Variants in HIF1A observed in about 807,000 individuals in gnomAD.
HIF1A encodes the protein hypoxia inducible factor 1 subunit alpha, also known as hypoxia-inducible factor 1-alpha.
In HIF1A, 24 loss-of-function variants were observed where a neutral mutation model predicts 92.7. That is an observed-to-expected ratio of 0.26 (90% CI 0.19 to 0.36). HIF1A has a LOEUF of 0.36. Among genes scored for constraint, HIF1A ranks in the 10% least tolerant of loss-of-function variants. HIF1A has a pLI of 1.00. For synonymous variants in HIF1A, 319 were observed against 338.7 expected (o/e 0.94, Z 0.64); for missense variants, 799 against 998.5 (o/e 0.80, Z 2.69).
intron 1 of HIF1A, among the ~76,000 whole-genome samples, chr14:61,696,243 C>A (rs887373097): frequency 1.3e-5 from 2 of 152,276 alleles, no homozygotes; most frequent in African/African-American, 4.8e-5. Context: ...GCGGTTTGCA[C>A]CCGGAGCTTC....
At chr14:61,731,050 A>G (rs1322916639) in intron 6 of HIF1A, among the ~76,000 whole-genome samples, 2 of 152,114 alleles carry the variant, frequency 1.3e-5, no homozygotes, top group Admixed American at 1.3e-4. Context: ...TTTCCTTTGT[A>G]TATTTATTTT....
chr14:61,715,075 T>C (rs1428972176), intron 1 of HIF1A, among the ~76,000 whole-genome samples: 1 of 152,028 alleles, frequency 6.6e-6, no homozygotes, highest in East Asian at 1.9e-4. Context: ...TAGACAAATG[T>C]TGAGCAAGTA....
chr14:61,702,478 C>A (rs2044189429), intron 1 of HIF1A, among the ~76,000 whole-genome samples: 1 of 108,402 alleles, frequency 9.2e-6, no homozygotes, highest in African/African-American at 2.5e-5. Context: ...TGTTTTAATT[C>A]TTTAGTTCCC....
chr14:61,729,846 C>A (rs2044554331), intron 6 of HIF1A, among the ~76,000 whole-genome samples: 1 of 152,080 alleles, frequency 6.6e-6, no homozygotes, highest in Non-Finnish European at 1.5e-5. Context: ...GCTCATATAT[C>A]AACCAAGACA....
chr14:61,731,252 T>C (rs1351537289), intron 6 of HIF1A, among the ~76,000 whole-genome samples: 2 of 152,120 alleles, frequency 1.3e-5, no homozygotes, highest in African/African-American at 4.8e-5. Context: ...GCTGAGAATC[T>C]AAAAGCTTAA....
At position 61,695,774 on chromosome 14, in the gene HIF1A, G is replaced by T. The variant is rs1454985536; in HGVS notation, c.-31G>T. 6.3e-7 allele frequency: 1 copy of T among 1,586,646 alleles called. No homozygotes were observed. Among genetic ancestry groups the T allele is most frequent in the Non-Finnish European group, 8.6e-7 (1 of 1,168,376 alleles). On this transcript the variant is annotated 5_prime_UTR_variant, in exon 1 of 15. Coordinates refer to ENST00000337138, the MANE Select transcript of HIF1A (RefSeq NM_001530.4). ...GCCGGAGCGAGCCTGGGGGCCGCCCGCCGTGAAGACATCGCGGGGACCGAT... is the reference window on the plus strand; with the variant it reads ...GCCGGAGCGAGCCTGGGGGCCGCCCTCCGTGAAGACATCGCGGGGACCGAT...
chr14:61,738,277 A>T lies in HIF1A; in HGVS notation c.1440A>T (p.Pro480=). 1 of 1,614,134 alleles carries T rather than the reference A, an allele frequency of 6.2e-7. No individual in the cohort carries two copies. Among genetic ancestry groups the T allele is most frequent in the Non-Finnish European group, 8.5e-7 (1 of 1,180,008 alleles). ...LNQEVALKLE[P]NPESLELSFT... is the part of the protein sequence containing the mutation. ...AAGAAGTTGCATTAAAATTAGAACC[A>T]AATCCAGAGTCACTGGAACTTTCTT... is the stretch of plus-strand genomic sequence containing the variant. The change falls in exon 10 of 15, where the codon CCA becomes CCT. Residue 480 remains proline, a synonymous_variant. Coordinates refer to ENST00000337138, the MANE Select transcript of HIF1A (RefSeq NM_001530.4).
intron 1 of HIF1A, among the ~76,000 whole-genome samples, chr14:61,710,740 TA>T (rs2044296263): frequency 1.3e-5 from 2 of 151,906 alleles, no homozygotes; most frequent in Admixed American, 6.6e-5. Flanking sequence ...ACATATAAAA[TA>T]CTTGTCTAAA....
At chr14:61,732,160 A>C (rs889452999) in intron 6 of HIF1A, among the ~76,000 whole-genome samples, 18 of 152,194 alleles carry the variant, frequency 1.2e-4, no homozygotes, top group African/African-American at 4.3e-4. Flanking sequence ...AGACCAGGTA[A>C]CAAGTTTGGG....
intron 1 of HIF1A, chr14:61,715,515 C>G (rs116340210): frequency 1.3e-5 from 2 of 152,120 alleles, no homozygotes; most frequent in Non-Finnish European, 2.9e-5. Flanking sequence ...GTGTTAATCG[C>G]GTGGACACCA....
intron 1 of HIF1A, among the ~76,000 whole-genome samples, chr14:61,702,786 CCTG>C (rs2044192625): frequency 6.6e-6 from 1 of 152,060 alleles, no homozygotes; most frequent in Admixed American, 6.5e-5. Context: ...ATAAAAATCA[CCTG>C]CTTTTTCACT....
At position 61,695,772 on chromosome 14, in the gene HIF1A, C is replaced by G. The variant is rs369845805; in HGVS notation, c.-33C>G. 4 of 1,583,770 alleles carry G rather than the reference C, an allele frequency of 2.5e-6. No individual in the cohort carries two copies. The highest frequency in any genetic ancestry group is 1.3e-5 in the African/African-American group (1 of 74,464). On this transcript the variant is annotated 5_prime_UTR_variant, in exon 1 of 15. Transcript: ENST00000337138. ...AGGCCGGAGCGAGCCTGGGGGCCGCCCGCCGTGAAGACATCGCGGGGACCG... is the reference window on the plus strand; with the variant it reads ...AGGCCGGAGCGAGCCTGGGGGCCGCGCGCCGTGAAGACATCGCGGGGACCG...
At chr14:61,727,414 G>A (rs749764811) in intron 5 of HIF1A, 39 bp from the exon 6 acceptor site, 1 of 1,459,222 alleles carries the variant, frequency 6.9e-7, no homozygotes, top group South Asian at 1.1e-5. Context: ...CCCTAGCATT[G>A]TAAATATTTT....
intron 1 of HIF1A, 115 bp from the exon 2 acceptor site, chr14:61,720,267 C>T (rs922872109): frequency 2.0e-5 from 13 of 660,698 alleles, no homozygotes; most frequent in African/African-American, 3.7e-5. Context: ...AACTTAATTA[C>T]ATGGCATCTT....
intron 1 of HIF1A, among the ~76,000 whole-genome samples, chr14:61,718,744 C>T (rs1414810976): frequency 3.9e-5 from 6 of 152,100 alleles, no homozygotes; most frequent in Non-Finnish European, 7.4e-5. Context: ...AGTTATAGTT[C>T]ATATAGATTC....
At chr14:61,698,223 C>G (rs578165767) in intron 1 of HIF1A, among the ~76,000 whole-genome samples, 217 of 152,316 alleles carry the variant, frequency 1.4e-3, no homozygotes, top group Non-Finnish European at 2.5e-3. Context: ...AAGAAGCTCT[C>G]TCATTTATTA....
At chr14:61,736,691 T>C (rs2044642025) in intron 8 of HIF1A, among the ~76,000 whole-genome samples, 198 bp from the exon 9 acceptor site, 1 of 152,248 alleles carries the variant, frequency 6.6e-6, no homozygotes, top group African/African-American at 2.4e-5. Context: ...CTGTGGATTT[T>C]ATTGGGTCTT....
Position 61,704,866 on chromosome 14 carries a change from A to AT in HIF1A, c.35+9033dup, listed in dbSNP as rs142496720. On this transcript the variant is annotated intron_variant, in intron 1 of 14. Coordinates refer to ENST00000337138, the MANE Select transcript of HIF1A (RefSeq NM_001530.4). ...GGCTTAGGCCACAGTTGAACATTCC[A>AT]TTTTTTATGTTCATTCATTCATTCA... 5.4e-3 allele frequency among the ~76,000 whole-genome samples: 829 copies of AT among 152,250 alleles called. 6 individuals are homozygous for AT. The highest frequency in any genetic ancestry group is 0.018 in the African/African-American group (728 of 41,566).
At chr14:61,713,357 C>T (rs770746341) in intron 1 of HIF1A, among the ~76,000 whole-genome samples, 29 of 152,110 alleles carry the variant, frequency 1.9e-4, no homozygotes, top group Non-Finnish European at 3.2e-4. Flanking sequence ...CCCAAACTTA[C>T]GTATCATATG....
Sources: gnomAD v4.1 joint callset for allele counts (sites outside exome capture counted in the v4.1 genomes callset) on GRCh38, gnomAD v4.1.1 for gene constraint, MANE v1.5 for transcripts, NCBI Gene and HGNC (gene_info 2026-07-23, HGNC 2026-07-21) for gene names.